CEP128: variants seen among roughly 807,000 people sequenced by gnomAD.
The protein encoded by CEP128 is centrosomal protein 128.
A neutral mutation model predicts 156.7 loss-of-function variants in CEP128; 132 were observed. That is an observed-to-expected ratio of 0.84 (90% confidence interval 0.73 to 0.97). The LOEUF (loss-of-function observed/expected upper bound fraction) is 0.97, where lower values mean the gene tolerates loss of function less well. Ranked by LOEUF, CEP128 falls within the 50% of genes least tolerant of loss-of-function variation. The probability of loss-of-function intolerance (pLI) is 0.00; values close to 1 mark genes in which losing one functional copy is unlikely to be tolerated. For synonymous variants in CEP128, 469 were observed against 448.9 expected, an observed-to-expected ratio of 1.04 and a Z score of -0.57; for missense variants, 1,252 against 1,281.9, an observed-to-expected ratio of 0.98 and a Z score of 0.36.
intron 14 of CEP128, among the ~76,000 whole-genome samples, chr14:80,482,374 T>C (rs950000512): frequency 6.6e-6 from 1 of 152,224 alleles, no homozygotes; most frequent in African/African-American, 2.4e-5. Context: ...ATTCCAATGC[T>C]TGTGTTGTCC....
At chr14:80,494,070 A>C (rs1226295860), downstream of CEP128, among the ~76,000 whole-genome samples, 1 of 152,202 alleles carries the variant, frequency 6.6e-6, no homozygotes, top group Non-Finnish European at 1.5e-5. Context: ...TTCGTGGTTT[A>C]AATTTCTTTT....
intron 19 of CEP128, among the ~76,000 whole-genome samples, chr14:80,707,780 TACC>T (rs1897275397): frequency 6.6e-6 from 1 of 152,174 alleles, no homozygotes; most frequent in Non-Finnish European, 1.5e-5. Context: ...TTGTCTAAAA[TACC>T]ACCAATACCA....
intron 19 of CEP128, among the ~76,000 whole-genome samples, chr14:80,644,979 A>G (rs1049690624): frequency 1.3e-5 from 2 of 152,212 alleles, no homozygotes; most frequent in African/African-American, 4.8e-5. Context: ...AGAGAAAAAT[A>G]GCACAGTTTT....
chr14:80,610,003 T>C lies in CEP128; in HGVS notation c.2807-29580A>G, dbSNP rs573045687. On this transcript the variant is annotated intron_variant, in intron 19 of 24. Coordinates refer to ENST00000555265, the MANE Select transcript of CEP128 (RefSeq NM_152446.5). Reference sequence around the variant, plus strand: ...TCTAAATTTTATTTCCATCTCAGTGTACTTGTTTATGATTATGCTATGTGT... The same window carrying C: ...TCTAAATTTTATTTCCATCTCAGTGCACTTGTTTATGATTATGCTATGTGT... Among the ~76,000 whole-genome samples the C allele has an allele frequency of 3.9e-5, 6 of 152,316 alleles. No individual in the cohort carries two copies. The East Asian group carries it at 1.2e-3, about 29-fold the overall frequency.
At chr14:80,860,835 A>T (rs949512434) in intron 9 of CEP128, among the ~76,000 whole-genome samples, 5 of 152,188 alleles carry the variant, frequency 3.3e-5, no homozygotes, top group Middle Eastern at 6.8e-3. Context: ...AAAAAACTTT[A>T]AAAAATCTGT....
intron 2 of CEP128, among the ~76,000 whole-genome samples, chr14:80,918,810 G>C (rs184093213): frequency 6.6e-6 from 1 of 152,028 alleles, no homozygotes; most frequent in Admixed American, 6.5e-5. Context: ...ATCTTAACTA[G>C]GCACCAGGAA....
chr14:80,785,127 G>C lies in CEP128; in HGVS notation c.1979C>G (p.Ala660Gly). ...KLAEEERAKK[A>G]VLKDLSDLTA... ...GAGGTCAGAAAGGTCCTTAAGCACTGCTTTCTTGGCTCTCTCTTCCTCAGC... is the reference window on the plus strand; with the variant it reads ...GAGGTCAGAAAGGTCCTTAAGCACTCCTTTCTTGGCTCTCTCTTCCTCAGC... The change falls in exon 15 of 25, where the codon GCA becomes GGA. Residue 660 changes from alanine (A) to glycine (G), a missense_variant. Transcript: ENST00000555265. 1 of 1,614,148 alleles carries C rather than the reference G, an allele frequency of 6.2e-7. No homozygotes were observed. The highest frequency in any genetic ancestry group is 8.5e-7 in the Non-Finnish European group (1 of 1,179,982).
intron 19 of CEP128, among the ~76,000 whole-genome samples, chr14:80,704,884 A>C (rs549289628): frequency 6.6e-6 from 1 of 152,092 alleles, no homozygotes; most frequent in South Asian, 2.1e-4. Flanking sequence ...AACAGAGTAG[A>C]TCAGTTTAAT....
At chr14:80,717,766 T>C (rs117908931) in intron 19 of CEP128, among the ~76,000 whole-genome samples, 2 of 152,160 alleles carry the variant, frequency 1.3e-5, no homozygotes, top group Non-Finnish European at 2.9e-5. Flanking sequence ...TAACTCAGTA[T>C]GTCATTTCAC....
intron 13 of CEP128, among the ~76,000 whole-genome samples, chr14:80,816,409 G>C (rs1389924689): frequency 6.6e-6 from 1 of 152,176 alleles, no homozygotes; most frequent in Non-Finnish European, 1.5e-5. Context: ...CCAACTTGTA[G>C]AGCAGAAGGT....
At chr14:80,791,780 C>T (rs556598305) in intron 14 of CEP128, among the ~76,000 whole-genome samples, 11 of 152,174 alleles carry the variant, frequency 7.2e-5, no homozygotes, top group East Asian at 3.9e-4. Context: ...TCTATATGTC[C>T]GAGAAATTCA....
intron 19 of CEP128, among the ~76,000 whole-genome samples, chr14:80,631,028 T>C (rs1893938923): frequency 6.6e-6 from 1 of 152,030 alleles, no homozygotes; most frequent in African/African-American, 2.4e-5. Context: ...TAAAAAATAC[T>C]CATGCTTTTT....
At chr14:80,747,335 A>T (rs1899152936) in intron 18 of CEP128, among the ~76,000 whole-genome samples, 1 of 152,198 alleles carries the variant, frequency 6.6e-6, no homozygotes, top group African/African-American at 2.4e-5. Flanking sequence ...AACAATCCAA[A>T]TTTCCGTCAA....
intron 20 of CEP128, among the ~76,000 whole-genome samples, chr14:80,580,033 A>G (rs186335113): frequency 3.3e-5 from 5 of 152,342 alleles, no homozygotes; most frequent in African/African-American, 1.2e-4. Flanking sequence ...CTTTCACTTG[A>G]AAATGTAGAT....
At chr14:80,821,779 G>A (rs1391115595) in intron 13 of CEP128, among the ~76,000 whole-genome samples, 2 of 151,748 alleles carry the variant, frequency 1.3e-5, no homozygotes, top group Non-Finnish European at 2.9e-5. Flanking sequence ...AGACTCCAGT[G>A]ATTCTCCCGT....
At chr14:80,954,866 C>T (rs930988915) in intron 2 of CEP128, 1 of 152,388 alleles carries the variant, frequency 6.6e-6, no homozygotes, top group African/African-American at 2.4e-5. Flanking sequence ...CATACTGGAC[C>T]CATTATTAAG....
chr14:80,564,003 T>C (rs914916888), intron 20 of CEP128, among the ~76,000 whole-genome samples: 1 of 152,186 alleles, frequency 6.6e-6, no homozygotes, highest in Non-Finnish European at 1.5e-5. Context: ...TAAGGGCTCT[T>C]ATAGGGCAGA....
chr14:80,762,232 T>C (rs956173951), intron 16 of CEP128, among the ~76,000 whole-genome samples: 7 of 151,836 alleles, frequency 4.6e-5, no homozygotes, highest in African/African-American at 1.7e-4. Flanking sequence ...TACAAGGACT[T>C]GGGGACCCAC....
chr14:80,541,447 A>T (rs956698227), intron 21 of CEP128, among the ~76,000 whole-genome samples: 2 of 149,050 alleles, frequency 1.3e-5, no homozygotes, highest in South Asian at 2.1e-4. Context: ...CTGTGTTAAA[A>T]AAAAAAAAAA....
Sources: allele counts gnomAD v4.1 joint callset (sites outside exome capture counted in the v4.1 genomes callset), GRCh38; gene constraint gnomAD v4.1.1; transcripts MANE v1.5; gene names NCBI Gene and HGNC (gene_info 2026-07-23, HGNC 2026-07-21).